COG5: variants seen among roughly 807,000 people sequenced by gnomAD.
COG5 encodes conserved oligomeric Golgi complex subunit 5.
In COG5, 86 loss-of-function variants were observed where a neutral mutation model predicts 110.4. The ratio of observed to expected loss-of-function variants is 0.78; its 90% CI spans 0.65 to 0.93. COG5 has a LOEUF of 0.93. Among genes scored for constraint, COG5 ranks in the 40% least tolerant of loss-of-function variants. The probability of loss-of-function intolerance (pLI) is 0.00; values close to 1 mark genes in which losing one functional copy is unlikely to be tolerated. For missense variants in COG5, 1,077 were observed against 987.0 expected (o/e 1.09, Z -1.22); for synonymous variants, 360 against 334.6 (o/e 1.08, Z -0.83).
At position 107,514,401 on chromosome 7, in the gene COG5, T is replaced by C. The variant is rs79138548; in HGVS notation, c.538+12836A>G. Among the ~76,000 whole-genome samples, 286 of 152,054 alleles carry C rather than the reference T, an allele frequency of 1.9e-3. 1 individual carries two copies. Among genetic ancestry groups the C allele is most frequent in the African/African-American group, 6.7e-3 (276 of 41,480 alleles). ...TATATTTTGGTTTATTATGAGGTTA[T>C]AGCTCAATCAGAAGTCATTTTCTCA... On this transcript the variant is annotated intron_variant, in intron 6 of 21. Transcript: ENST00000297135.
At chr7:107,495,153 C>T (rs1215558433) in intron 6 of COG5, among the ~76,000 whole-genome samples, 1 of 152,094 alleles carries the variant, frequency 6.6e-6, no homozygotes, top group African/African-American at 2.4e-5. Flanking sequence ...AAGCTGGGGC[C>T]TTACTAACTT....
intron 11 of COG5, among the ~76,000 whole-genome samples, chr7:107,322,873 C>A (rs750774526): frequency 6.6e-6 from 1 of 152,014 alleles, no homozygotes; most frequent in African/African-American, 2.4e-5. Context: ...GAATACAATT[C>A]AACAATTTAA....
intron 6 of COG5, among the ~76,000 whole-genome samples, chr7:107,478,102 A>C (rs1797098973): frequency 1.3e-5 from 2 of 152,026 alleles, no homozygotes; most frequent in South Asian, 4.1e-4. Flanking sequence ...CTTCCAAAGG[A>C]TAAGAAGCCC....
intron 6 of COG5, among the ~76,000 whole-genome samples, chr7:107,508,453 G>A (rs958172769): frequency 5.9e-5 from 9 of 152,350 alleles, no homozygotes; most frequent in Admixed American, 5.2e-4. Flanking sequence ...ACCTCTGGGG[G>A]CAGGGCACAG....
At chr7:107,532,526 C>T (rs1235232288) in intron 5 of COG5, among the ~76,000 whole-genome samples, 3 of 152,082 alleles carry the variant, frequency 2.0e-5, no homozygotes, top group Admixed American at 2.0e-4. Context: ...TATACATATG[C>T]ACAAATATAT....
At chr7:107,511,261 A>C (rs1026075438) in intron 6 of COG5, among the ~76,000 whole-genome samples, 4 of 152,226 alleles carry the variant, frequency 2.6e-5, no homozygotes, top group African/African-American at 7.2e-5. Context: ...AGAATACTAC[A>C]AACACCTCTA....
At chr7:107,458,365 A>T (rs1795790785) in intron 6 of COG5, among the ~76,000 whole-genome samples, 1 of 152,344 alleles carries the variant, frequency 6.6e-6, no homozygotes, top group Non-Finnish European at 1.5e-5. Flanking sequence ...ATAACTGGCT[A>T]TTTAAAACAA....
chr7:107,562,814 T>C (rs1447701869), intron 1 of COG5, among the ~76,000 whole-genome samples: 1 of 152,234 alleles, frequency 6.6e-6, no homozygotes, highest in Non-Finnish European at 1.5e-5. Context: ...TGGAACTTTA[T>C]TTCATTTATT....
At chr7:107,429,800 T>A (rs990885906) in intron 6 of COG5, among the ~76,000 whole-genome samples, 5 of 152,184 alleles carry the variant, frequency 3.3e-5, no homozygotes, top group African/African-American at 1.2e-4. Flanking sequence ...TCTTCTCTCA[T>A]CTGCTGCCAT....
chr7:107,410,295 G>A (rs1048984134), intron 7 of COG5, among the ~76,000 whole-genome samples: 2 of 152,124 alleles, frequency 1.3e-5, no homozygotes, highest in Admixed American at 6.5e-5. Flanking sequence ...TCAGTTAGGT[G>A]AATAGTTGAA....
chr7:107,445,877 C>G (rs1457028698), intron 6 of COG5, among the ~76,000 whole-genome samples: 1 of 152,142 alleles, frequency 6.6e-6, no homozygotes, highest in Non-Finnish European at 1.5e-5. Flanking sequence ...ACACTTATAC[C>G]TACGGACTTA....
chr7:107,514,146 A>C (rs1053376672), intron 6 of COG5, among the ~76,000 whole-genome samples: 1 of 152,104 alleles, frequency 6.6e-6, no homozygotes, highest in Non-Finnish European at 1.5e-5. Flanking sequence ...CAGAAAATAG[A>C]CCATAAGCGA....
chr7:107,236,747 T>C (rs1801223493), intron 17 of COG5, 60 bp from the exon 18 acceptor site: 1 of 1,054,734 alleles, frequency 9.5e-7, no homozygotes, highest in East Asian at 2.4e-5. Context: ...TCTTTGATTT[T>C]GTACCCCTCT....
chr7:107,227,390 G>A (rs1800422187), intron 19 of COG5, among the ~76,000 whole-genome samples: 1 of 151,710 alleles, frequency 6.6e-6, no homozygotes, highest in Non-Finnish European at 1.5e-5. Context: ...AAACTGTTAC[G>A]CCATAAGAAG....
At chr7:107,248,907 C>A (rs968639315) in intron 16 of COG5, among the ~76,000 whole-genome samples, 21 of 152,064 alleles carry the variant, frequency 1.4e-4, no homozygotes, top group African/African-American at 4.3e-4. Context: ...TGCTTTTAAC[C>A]AGAGTGAATA....
In COG5 at chr7:107,419,479, A is replaced by G. The variant is rs536388312; in HGVS notation, c.539-6847T>C. 1.3e-3 allele frequency among the ~76,000 whole-genome samples: 204 copies of G among 152,218 alleles called. 1 individual carries two copies. The highest frequency in any genetic ancestry group is 4.5e-3 in the African/African-American group (187 of 41,572). On this transcript the variant is annotated intron_variant, in intron 6 of 21. Transcript: ENST00000297135. The stretch of plus-strand genomic sequence containing the variant: ...TATTTTTTTCTAATAGTAAAAATAA[A>G]AGAAAAAGAAAAAGAGAATGGAGGA...
At chr7:107,281,246 G>T in intron 14 of COG5, 54 bp downstream of exon 14, 1 of 1,110,160 alleles carries the variant, frequency 9.0e-7, no homozygotes, top group Non-Finnish European at 1.4e-6. Flanking sequence ...GTATTATATA[G>T]TTAGTAATTT....
At chr7:107,542,358 T>G (rs540351709) in intron 5 of COG5, among the ~76,000 whole-genome samples, 28 of 152,172 alleles carry the variant, frequency 1.8e-4, no homozygotes, top group African/African-American at 6.5e-4. Context: ...TAGCAAAAAC[T>G]AACAAGTTTG....
At chr7:107,459,014 A>G (rs1795831550) in intron 6 of COG5, among the ~76,000 whole-genome samples, 1 of 151,930 alleles carries the variant, frequency 6.6e-6, no homozygotes, top group African/African-American at 2.4e-5. Context: ...AAATTACTCA[A>G]TCCAAAAAAG....
Sources: allele counts gnomAD v4.1 joint callset (sites outside exome capture counted in the v4.1 genomes callset), GRCh38; gene constraint gnomAD v4.1.1; transcripts MANE v1.5; gene names NCBI Gene and HGNC (gene_info 2026-07-23, HGNC 2026-07-21).